The following RBFOX1 variants were observed in gnomAD, a reference collection of about 807,000 sequenced individuals.
The protein encoded by RBFOX1 is RNA binding fox-1 homolog 1.
RBFOX1 carries 8 observed loss-of-function variants against 57.7 expected under a neutral mutation model. That is an observed-to-expected ratio of 0.14 (90% confidence interval 0.08 to 0.25). The LOEUF (loss-of-function observed/expected upper bound fraction) is 0.25, where lower values mean the gene tolerates loss of function less well. Ranked by LOEUF, RBFOX1 falls within the 10% of genes least tolerant of loss-of-function variation. The pLI, the probability that RBFOX1 is intolerant of heterozygous loss-of-function variation, is 1.00. For missense variants in RBFOX1, 611 were observed against 548.5 expected (o/e 1.11, Z -1.14); for synonymous variants, 326 against 222.4 (o/e 1.47, Z -4.15).
chr16:5,309,608 C>G (rs753971743), intron 1 of RBFOX1, among the ~76,000 whole-genome samples: 1 of 152,124 alleles, frequency 6.6e-6, no homozygotes, highest in Non-Finnish European at 1.5e-5. Context: ...GTAACCATCA[C>G]GTGAATAGTG....
At chr16:6,480,025 G>A (rs1220279946) in intron 2 of RBFOX1, among the ~76,000 whole-genome samples, 1 of 149,956 alleles carries the variant, frequency 6.7e-6, no homozygotes, top group South Asian at 2.1e-4. Flanking sequence ...CCTCCAGGCT[G>A]GGAGACAGAG....
intron 1 of RBFOX1, among the ~76,000 whole-genome samples, chr16:5,422,113 TA>T (rs1465469130): frequency 6.6e-6 from 1 of 152,102 alleles, no homozygotes; most frequent in Admixed American, 6.5e-5. Context: ...CCCATGCGAA[TA>T]AAAGTACTAG....
At chr16:5,977,686 G>T (rs1211842681) in intron 4 of RBFOX1, among the ~76,000 whole-genome samples, 1 of 152,026 alleles carries the variant, frequency 6.6e-6, no homozygotes, top group African/African-American at 2.4e-5. Context: ...AGGCTCAGTT[G>T]TCTGTTTTGA....
At chr16:7,623,912 A>G (rs2059689938) in intron 10 of RBFOX1, among the ~76,000 whole-genome samples, 1 of 152,198 alleles carries the variant, frequency 6.6e-6, no homozygotes, top group Non-Finnish European at 1.5e-5. Context: ...TAACTTAATT[A>G]CAGCTTTAAA....
At chr16:7,334,045 C>A (rs907855529) in intron 4 of RBFOX1, among the ~76,000 whole-genome samples, 5 of 152,122 alleles carry the variant, frequency 3.3e-5, no homozygotes, top group African/African-American at 1.2e-4. Flanking sequence ...CCCCTCCAGC[C>A]CCTCATAGTT....
At chr16:7,537,034 C>T (rs1052876122) in intron 5 of RBFOX1, among the ~76,000 whole-genome samples, 2 of 152,198 alleles carry the variant, frequency 1.3e-5, no homozygotes, top group African/African-American at 2.4e-5. Flanking sequence ...CTGGCCTCAT[C>T]TGGGGGCTTT....
In RBFOX1 at chr16:7,580,048, C is replaced by G. The variant is rs1225976491; in HGVS notation, c.414+128C>G. 4 of 1,008,658 alleles carry G rather than the reference C, an allele frequency of 4.0e-6. No individual in the cohort carries two copies. In the East Asian group the frequency reaches 7.7e-5, roughly 19 times the overall value. 62.5% of individuals were successfully genotyped at this position (1,008,658 alleles called of 1,614,324 possible). ...TGTATGGGGAGAAACAATTTAGAGC[C>G]TAGTCTGCAGGTATATTGTGGCTAG... On this transcript the variant is annotated intron_variant, in intron 6 of 15. Coordinates refer to ENST00000550418, the MANE Select transcript of RBFOX1 (RefSeq NM_018723.4).
intron 2 of RBFOX1, among the ~76,000 whole-genome samples, chr16:6,421,471 G>C (rs75470158): frequency 1.3e-5 from 2 of 152,130 alleles, no homozygotes; most frequent in African/African-American, 4.8e-5. Context: ...GAATTTTGTC[G>C]TCAGGGGAAT....
intron 5 of RBFOX1, among the ~76,000 whole-genome samples, chr16:7,529,366 A>G (rs2152349257): frequency 6.6e-6 from 1 of 152,358 alleles, no homozygotes; most frequent in East Asian, 1.9e-4. Context: ...CATTGGCAAA[A>G]TAAATTTTTA....
intron 3 of RBFOX1, among the ~76,000 whole-genome samples, chr16:6,890,478 C>A (rs539039695): frequency 6.6e-6 from 1 of 152,098 alleles, no homozygotes. Flanking sequence ...GAGATAGCAC[C>A]ATGGCACTCC....
At chr16:7,413,020 C>A (rs1352595008) in intron 4 of RBFOX1, among the ~76,000 whole-genome samples, 14 of 150,674 alleles carry the variant, frequency 9.3e-5, no homozygotes, top group Admixed American at 9.3e-4. Flanking sequence ...CCAGCCCGGG[C>A]GAAAGAGCGA....
At chr16:6,490,335 C>G (rs925386406) in intron 2 of RBFOX1, among the ~76,000 whole-genome samples, 1 of 152,172 alleles carries the variant, frequency 6.6e-6, no homozygotes, top group Non-Finnish European at 1.5e-5. Flanking sequence ...CAATGAACTT[C>G]AGTTGAATAA....
rs149988940 is a variant in RBFOX1 at position 6,678,166 on chromosome 16, C to T, written c.-16+23516C>T. ...TGAGACGGAGTCTCGCTCTGTCGCC[C>T]AGGCTGGAGTGCAGTGGCACAATCT... On this transcript the variant is annotated intron_variant, in intron 3 of 15. Transcript: ENST00000550418. 4.4e-3 allele frequency among the ~76,000 whole-genome samples: 663 copies of T among 152,324 alleles called. 5 individuals are homozygous for T. The highest frequency in any genetic ancestry group is 0.015 in the African/African-American group (633 of 41,574).
intron 4 of RBFOX1, among the ~76,000 whole-genome samples, chr16:7,258,318 G>T (rs954228519): frequency 6.6e-6 from 1 of 152,112 alleles, no homozygotes; most frequent in South Asian, 2.1e-4. Context: ...ACATTAAAAT[G>T]AGTGAAAATG....
At chr16:7,399,233 A>C (rs1200740981) in intron 4 of RBFOX1, among the ~76,000 whole-genome samples, 1 of 152,236 alleles carries the variant, frequency 6.6e-6, no homozygotes, top group Non-Finnish European at 1.5e-5. Flanking sequence ...GGATTACCTG[A>C]GGTCAGTAGT....
At chr16:6,908,321 C>T (rs928151231) in intron 3 of RBFOX1, among the ~76,000 whole-genome samples, 23 of 150,934 alleles carry the variant, frequency 1.5e-4, no homozygotes, top group Admixed American at 5.3e-4. Flanking sequence ...ATGGCTTGGG[C>T]CTGTCTTGTT....
At chr16:6,477,869 C>T (rs150036149) in intron 2 of RBFOX1, among the ~76,000 whole-genome samples, 1 of 152,334 alleles carries the variant, frequency 6.6e-6, no homozygotes, top group Non-Finnish European at 1.5e-5. Context: ...TCCATCAGCA[C>T]TTGCCATTTC....
rs1220744908 is a variant in RBFOX1 at position 5,456,105 on chromosome 16, CA to C, written c.220-11110del. ...CTAATGATAATATTATGGCATATATCATTTTTTTAAAAAAAAAACGTGCTTA... is the reference window on the plus strand; with the variant it reads ...CTAATGATAATATTATGGCATATATCTTTTTTTAAAAAAAAAACGTGCTTA... On this transcript the variant is annotated intron_variant, in intron 1 of 2. Transcript: ENST00000585867. Among the ~76,000 whole-genome samples the C allele has an allele frequency of 1.4e-4, 22 of 151,876 alleles. No individual in the cohort carries two copies. In the East Asian group the frequency reaches 4.3e-3, roughly 29 times the overall value.
At chr16:6,046,396 G>C (rs1313464304) in intron 1 of RBFOX1, among the ~76,000 whole-genome samples, 1 of 152,162 alleles carries the variant, frequency 6.6e-6, no homozygotes, top group Non-Finnish European at 1.5e-5. Context: ...AATTTGTAGG[G>C]TTTGACAAGA....
Sources: allele counts gnomAD v4.1 joint callset (sites outside exome capture counted in the v4.1 genomes callset), GRCh38; gene constraint gnomAD v4.1.1; transcripts MANE v1.5; gene names NCBI Gene and HGNC (gene_info 2026-07-23, HGNC 2026-07-21).